PARP12: variants seen among roughly 807,000 people sequenced by gnomAD.
PARP12 encodes the protein poly(ADP-ribose) polymerase family member 12.
PARP12 carries 59 observed loss-of-function variants against 72.4 expected under a neutral mutation model. That is an observed-to-expected ratio of 0.81 (90% CI 0.66 to 1.01). PARP12 has a LOEUF of 1.01. Among genes scored for constraint, PARP12 ranks in the 50% least tolerant of loss-of-function variants. The pLI is 0.00. For missense variants in PARP12, 851 were observed against 914.0 expected, an observed-to-expected ratio of 0.93 and a Z score of 0.89; for synonymous variants, 403 against 371.4, an observed-to-expected ratio of 1.09 and a Z score of -0.98.
At chr7:140,047,411 C>T (rs1816776907) in intron 4 of PARP12, among the ~76,000 whole-genome samples, 1 of 152,134 alleles carries the variant, frequency 6.6e-6, no homozygotes, top group South Asian at 2.1e-4. Flanking sequence ...CCATGTGATG[C>T]CCTGCAGCAC....
At chr7:140,053,521 T>C (rs796640342) in intron 4 of PARP12, among the ~76,000 whole-genome samples, 5 of 152,322 alleles carry the variant, frequency 3.3e-5, no homozygotes, top group Admixed American at 2.0e-4. Flanking sequence ...GATGGTTACA[T>C]GAGCATATAT....
chr7:140,028,958 G>C (rs916529414), intron 8 of PARP12: 4 of 303,648 alleles, frequency 1.3e-5, no homozygotes, highest in African/African-American at 2.2e-5. Flanking sequence ...AAAAGGGATG[G>C]AGTACATGGT....
intron 3 of PARP12, among the ~76,000 whole-genome samples, chr7:140,056,487 A>T (rs1817181895): frequency 1.3e-5 from 2 of 152,218 alleles, no homozygotes; most frequent in African/African-American, 4.8e-5. Flanking sequence ...GCAGCACAGC[A>T]TTCCTAACTT....
At chr7:140,054,028 G>A (rs1398918737) in intron 4 of PARP12, among the ~76,000 whole-genome samples, 2 of 152,158 alleles carry the variant, frequency 1.3e-5, no homozygotes, top group Non-Finnish European at 2.9e-5. Flanking sequence ...AATGAAACAA[G>A]AAGTTTGGTG....
At chr7:140,044,493 A>C (rs1816635926) in intron 5 of PARP12, among the ~76,000 whole-genome samples, 1 of 152,192 alleles carries the variant, frequency 6.6e-6, no homozygotes, top group Non-Finnish European at 1.5e-5. Context: ...ATCCTGGAGG[A>C]GGCAAGAAAG....
chr7:140,025,950 T>C (rs1815723707), intron 11 of PARP12, among the ~76,000 whole-genome samples: 1 of 152,220 alleles, frequency 6.6e-6, no homozygotes, highest in Non-Finnish European at 1.5e-5. Flanking sequence ...CCAGGGCCTC[T>C]GCTCCACAGG....
chr7:140,057,840 C>G, intron 2 of PARP12, 59 bp downstream of exon 2: 1 of 1,602,146 alleles, frequency 6.2e-7, no homozygotes, highest in Non-Finnish European at 8.5e-7. Flanking sequence ...CATTACATTT[C>G]CCAAGACACA....
intron 7 of PARP12, among the ~76,000 whole-genome samples, chr7:140,036,002 A>AGGAGGAGGAGGAGG (rs1816170329): frequency 5.9e-5 from 1 of 16,914 alleles, no homozygotes; most frequent in Non-Finnish European, 9.2e-5. Context: ...GGAGGAGGAG[A>AGGAGGAGGAGGAGG]AGGAGGAGAA....
Position 140,046,956 on chromosome 7 carries a change from T to A in PARP12, c.914A>T (p.Asp305Val). The change falls in exon 5 of 12, where the codon GAT becomes GTT. Residue 305 changes from aspartate (D) to valine (V), a missense_variant. Around this residue, in one of 3 missense-constraint regions of PARP12, gnomAD observed 492 missense variants for 489.3 expected, o/e 1.01. Transcript: ENST00000263549. ...GTCCAAATCCTCCCATTTGCCTCTA[T>A]CCAAGAATTGCCATCGATACGGCAA... ...FHLPYRWQFL[D>V]RGKWEDLDNM... The A allele has an allele frequency of 6.2e-7, 1 of 1,614,060 alleles. No homozygotes were observed. The highest frequency in any genetic ancestry group is 2.2e-5 in the East Asian group (1 of 44,878).
intron 9 of PARP12, among the ~76,000 whole-genome samples, chr7:140,028,314 GGT>G (rs1467694013): frequency 6.6e-6 from 1 of 152,092 alleles, no homozygotes; most frequent in Non-Finnish European, 1.5e-5. Flanking sequence ...GGTATTTATT[GGT>G]TAAGCCCAGC....
intron 6 of PARP12, among the ~76,000 whole-genome samples, chr7:140,039,608 C>T (rs1212844408): frequency 6.6e-6 from 1 of 152,166 alleles, no homozygotes; most frequent in Non-Finnish European, 1.5e-5. Flanking sequence ...CTGATTTTGA[C>T]ATGAAATGTT....
In PARP12 at chr7:140,024,785, G is replaced by T; in HGVS notation, c.1881C>A (p.Phe627Leu). ...GGACAAAGGAGGCATTGCCCCTGAC[G>T]AACTCGCCCACCAGCACCCGGGCCA... The part of the protein sequence containing the change: ...MFLARVLVGE[F>L]VRGNASFVRP... Residue 627 changes from phenylalanine to leucine, a missense_variant, in exon 12 of 12, where the codon TTC becomes TTA. Coordinates refer to ENST00000263549, the MANE Select transcript of PARP12 (RefSeq NM_022750.4). The T allele has an allele frequency of 1.9e-6, 3 of 1,614,162 alleles. No individual in the cohort carries two copies. The highest frequency in any genetic ancestry group is 2.5e-6 in the Non-Finnish European group (3 of 1,180,020).
chr7:140,026,429 T>C, intron 10 of PARP12, 81 bp from the exon 11 acceptor site: 1 of 1,532,874 alleles, frequency 6.5e-7, no homozygotes, highest in South Asian at 1.3e-5. Context: ...AACAACACAT[T>C]TTTCCAAAAT....
At chr7:140,026,395 C>A in intron 10 of PARP12, 47 bp from the exon 11 acceptor site, 1 of 1,576,048 alleles carries the variant, frequency 6.3e-7, no homozygotes, top group Non-Finnish European at 8.6e-7. Context: ...GTGCCGGCCA[C>A]CAAATACAGC....
At chr7:140,042,409 G>A (rs969810993) in intron 5 of PARP12, among the ~76,000 whole-genome samples, 1 of 152,214 alleles carries the variant, frequency 6.6e-6, no homozygotes, top group African/African-American at 2.4e-5. Flanking sequence ...ACCAGGACAC[G>A]CTCCCTTTCT....
rs1039663976 is a variant in PARP12 at position 140,057,061 on chromosome 7, T to C, written c.555A>G (p.Leu185=). 4 of 1,614,048 alleles carry C rather than the reference T, an allele frequency of 2.5e-6. No individual in the cohort carries two copies. In the African/African-American group the frequency reaches 5.3e-5, roughly 22 times the overall value. ...CIKLHICQYF[L]QGECKFGTSC... ...TAGTGCCAAACTTGCATTCCCCCTG[T>C]AAAAAATACTGGCAGATATGGAGCT... The change falls in exon 3 of 12, where the codon TTA becomes TTG. Residue 185 remains leucine (L), a synonymous_variant. Transcript: ENST00000263549.
At position 140,035,905 on chromosome 7, in the gene PARP12, G is replaced by GGAA. The variant is rs1390866250; in HGVS notation, c.1325-1575_1325-1574insTTC. Among the ~76,000 whole-genome samples, 12 of 145,026 alleles carry GGAA rather than the reference G, an allele frequency of 8.3e-5. 1 individual carries two copies. Among genetic ancestry groups the GGAA allele is most frequent in the African/African-American group, 2.9e-4 (11 of 37,730 alleles). The stretch of plus-strand genomic sequence containing the variant: ...AGGAAGAGGAAGAGGAGGAGGACGA[G>GGAA]GAGGAGGACAAGGAGGAGGACAAGG... On this transcript the variant is annotated intron_variant, in intron 7 of 11. Coordinates refer to ENST00000263549, the MANE Select transcript of PARP12 (RefSeq NM_022750.4).
intron 1 of PARP12, among the ~76,000 whole-genome samples, chr7:140,058,893 C>G (rs1469945163): frequency 6.6e-6 from 1 of 151,910 alleles, no homozygotes; most frequent in South Asian, 2.1e-4. Context: ...GTCGGGAGTT[C>G]GAGACTAGCC....
At chr7:140,026,103 G>A in intron 11 of PARP12, 94 bp downstream of exon 11, 1 of 1,580,980 alleles carries the variant, frequency 6.3e-7, no homozygotes, top group Non-Finnish European at 8.7e-7. Context: ...CTGCTCATCA[G>A]CTCAGGCTGG....
Sources: gnomAD v4.1 joint callset for allele counts (sites outside exome capture counted in the v4.1 genomes callset) on GRCh38, gnomAD v4.1.1 for gene constraint, gnomAD v4.1.1 regional missense constraint, MANE v1.5 for transcripts, NCBI Gene and HGNC (gene_info 2026-07-23, HGNC 2026-07-21) for gene names.